The following FSD1L variants were observed in gnomAD, a reference collection of about 807,000 sequenced individuals.
FSD1L encodes the protein FSD1-like protein.
A neutral mutation model predicts 71.6 loss-of-function variants in FSD1L; 45 were observed. That is an observed-to-expected ratio of 0.63 (90% CI 0.49 to 0.81). The LOEUF (loss-of-function observed/expected upper bound fraction) is 0.81, where lower values mean the gene tolerates loss of function less well. FSD1L is among the 30% of genes least tolerant of loss of function. The pLI, the probability that FSD1L is intolerant of heterozygous loss-of-function variation, is 0.00. For synonymous variants in FSD1L, 197 were observed against 207.2 expected (o/e 0.95, Z 0.42); for missense variants, 561 against 618.1 (o/e 0.91, Z 0.98).
chr9:105,478,186 A>G (rs1831938159), intron 5 of FSD1L, among the ~76,000 whole-genome samples: 1 of 152,208 alleles, frequency 6.6e-6, no homozygotes. Flanking sequence ...CAGAGCTTGC[A>G]GTGAGCCAAG....
intron 12 of FSD1L, among the ~76,000 whole-genome samples, chr9:105,538,406 TA>T (rs1836400360): frequency 6.6e-6 from 1 of 152,128 alleles, no homozygotes; most frequent in Non-Finnish European, 1.5e-5. Flanking sequence ...AAGCATTATA[TA>T]AAGAAAAGAG....
chr9:105,476,279 CCT>C (rs140005178), intron 5 of FSD1L, among the ~76,000 whole-genome samples: 37 of 150,506 alleles, frequency 2.5e-4, no homozygotes, highest in African/African-American at 5.1e-4. Flanking sequence ...TTCCTTTCTC[CCT>C]CTCTCTCTCT....
chr9:105,508,160 G>A (rs191998927), intron 8 of FSD1L, among the ~76,000 whole-genome samples: 1,709 of 146,656 alleles, frequency 0.012, 47 homozygotes, highest in African/African-American at 0.041. Flanking sequence ...CACTGCGCCC[G>A]ACCACATATC....
At chr9:105,450,779 C>T (rs1016721750) in intron 1 of FSD1L, among the ~76,000 whole-genome samples, 2 of 151,904 alleles carry the variant, frequency 1.3e-5, no homozygotes, top group East Asian at 1.9e-4. Flanking sequence ...TCAGGTGATC[C>T]GCCAGCCTTG....
upstream of FSD1L, among the ~76,000 whole-genome samples, chr9:105,447,324 CAAAAAAAA>C (rs35514046): frequency 2.4e-4 from 15 of 61,552 alleles, no homozygotes; most frequent in South Asian, 9.9e-4. Context: ...ACTCCATCTC[CAAAAAAAA>C]AAAAAAAAAA....
intron 7 of FSD1L, among the ~76,000 whole-genome samples, chr9:105,505,866 C>A (rs1399384767): frequency 6.6e-6 from 1 of 152,160 alleles, no homozygotes; most frequent in Non-Finnish European, 1.5e-5. Context: ...GTCAGTGGAT[C>A]ATGTGTTAAT....
intron 13 of FSD1L, among the ~76,000 whole-genome samples, chr9:105,542,327 T>A (rs567047902): frequency 1.3e-5 from 2 of 152,362 alleles, no homozygotes; most frequent in South Asian, 4.1e-4. Flanking sequence ...TGTCATTGTG[T>A]TTTTATTTGT....
chr9:105,503,419 GACAATT>G (rs1238269737), intron 7 of FSD1L, among the ~76,000 whole-genome samples: 1 of 152,124 alleles, frequency 6.6e-6, no homozygotes, highest in East Asian at 1.9e-4. Flanking sequence ...GATGATCAAT[GACAATT>G]ACAAAGTCAT....
chr9:105,532,121 C>T (rs1300262737), intron 10 of FSD1L, among the ~76,000 whole-genome samples: 1 of 152,150 alleles, frequency 6.6e-6, no homozygotes, highest in Non-Finnish European at 1.5e-5. Flanking sequence ...ATGGTTTAAA[C>T]ACCATTGATT....
chr9:105,520,355 GA>G, intron 10 of FSD1L: 4 of 1,240,020 alleles, frequency 3.2e-6, no homozygotes, highest in Non-Finnish European at 4.6e-6. Context: ...TTTATTTAGT[GA>G]AAAAAAGAAT....
At position 105,530,894 on chromosome 9, in the gene FSD1L, A is replaced by G. The variant is rs912783443; in HGVS notation, c.1026-3599A>G. 43 of 279,860 alleles carry G rather than the reference A, an allele frequency of 1.5e-4. No homozygotes were observed. The East Asian group carries it at 3.3e-3, about 21-fold the overall frequency. The allele number at this position is 279,860 out of a possible 1,614,324, so 17.3% of individuals were successfully genotyped here. On this transcript the variant is annotated intron_variant, in intron 10 of 13. Coordinates refer to ENST00000481272, the MANE Select transcript of FSD1L (RefSeq NM_001145313.3). Reference sequence around the variant, plus strand: ...CTACTCAGCTGAGCTCATTCTAGTCAGATATTGTACACCTACTCTGTACTG... The same window carrying G: ...CTACTCAGCTGAGCTCATTCTAGTCGGATATTGTACACCTACTCTGTACTG...
At chr9:105,529,297 TC>T (rs1192769923) in intron 10 of FSD1L, among the ~76,000 whole-genome samples, 2 of 152,180 alleles carry the variant, frequency 1.3e-5, no homozygotes, top group Admixed American at 6.5e-5. Context: ...GATTTATAAA[TC>T]CTTCTACTAT....
chr9:105,477,975 TG>T (rs777968948), intron 5 of FSD1L, among the ~76,000 whole-genome samples: 15 of 152,242 alleles, frequency 9.9e-5, no homozygotes, highest in Non-Finnish European at 1.8e-4. Context: ...CTGGGTGTGC[TG>T]GCTCATGCCT....
At chr9:105,527,842 A>G (rs1835620307) in intron 10 of FSD1L, among the ~76,000 whole-genome samples, 2 of 152,320 alleles carry the variant, frequency 1.3e-5, no homozygotes, top group East Asian at 3.9e-4. Context: ...ATAGGAAGAG[A>G]GGAAGTCAAA....
intron 10 of FSD1L, chr9:105,521,358 A>G: frequency 1.2e-6 from 2 of 1,614,188 alleles, no homozygotes; most frequent in Non-Finnish European, 1.7e-6. Flanking sequence ...GTCTCATTCC[A>G]ATACAAGCAC....
At position 105,471,909 on chromosome 9, in the gene FSD1L, G is replaced by A. The variant is rs752865462; in HGVS notation, c.345G>A (p.Gln115=). The A allele has an allele frequency of 4.1e-6, 5 of 1,208,542 alleles. No homozygotes were observed. In the African/African-American group the frequency reaches 8.4e-5, roughly 20 times the overall value. 74.9% of individuals were successfully genotyped at this position (1,208,542 alleles called of 1,614,324 possible). A position where few individuals can be genotyped will look rare whatever the true frequency, so the allele number is the denominator to read the frequency against. Reference sequence around the variant, plus strand: ...TTTTTTTTTTTTTTCCCTAGAGTCAGATTAGTCAATGTAATAATGCCCTGG... The same window carrying A: ...TTTTTTTTTTTTTTCCCTAGAGTCAAATTAGTCAATGTAATAATGCCCTGG... ...QARKSQELQS[Q]ISQCNNALEN... is the part of the protein sequence containing the mutation. Residue 115 remains glutamine (Q), a synonymous_variant, in exon 5 of 14, where the codon CAG becomes CAA. Transcript: ENST00000481272.
intron 7 of FSD1L, among the ~76,000 whole-genome samples, chr9:105,490,657 T>C (rs1832867548): frequency 1.4e-5 from 2 of 140,218 alleles, no homozygotes; most frequent in South Asian, 5.1e-4. Flanking sequence ...TTTAAGTCTT[T>C]AATCCATCTT....
intron 1 of FSD1L, among the ~76,000 whole-genome samples, chr9:105,452,791 T>C (rs1830121083): frequency 6.6e-6 from 1 of 151,872 alleles, no homozygotes; most frequent in African/African-American, 2.4e-5. Context: ...GCTGTCTTGC[T>C]CAGGCTGATG....
rs888494232 is a variant in FSD1L, at chr9:105,496,529, T to C, written c.587-9870T>C. ...ATTGAGTATTTCTATCCATAAACAT[T>C]GGAATGTCTCTACATTGATTTAGTT... On this transcript the variant is annotated intron_variant, in intron 7 of 13. Transcript: ENST00000481272. Among the ~76,000 whole-genome samples the C allele has an allele frequency of 5.3e-5, 8 of 152,354 alleles. No homozygotes were observed. In the South Asian group the frequency reaches 1.7e-3, roughly 32 times the overall value.
Sources: allele counts gnomAD v4.1 joint callset (sites outside exome capture counted in the v4.1 genomes callset), GRCh38; gene constraint gnomAD v4.1.1; transcripts MANE v1.5; gene names NCBI Gene and HGNC (gene_info 2026-07-23, HGNC 2026-07-21).